The following HAUS8 variants were observed in gnomAD, a reference collection of about 807,000 sequenced individuals.
HAUS8 encodes the protein HAUS augmin like complex subunit 8.
HAUS8 carries 38 observed loss-of-function variants against 42.9 expected under a neutral mutation model. The ratio of observed to expected loss-of-function variants is 0.89; its 90% CI spans 0.68 to 1.16. The LOEUF (loss-of-function observed/expected upper bound fraction) is 1.16, where lower values mean the gene tolerates loss of function less well. Ranked by LOEUF, HAUS8 falls within the 50% of genes most tolerant of loss-of-function variation. The pLI, the probability that HAUS8 is intolerant of heterozygous loss-of-function variation, is 0.00. For synonymous variants in HAUS8, 199 were observed against 205.8 expected (o/e 0.97, Z 0.28); for missense variants, 494 against 511.6 (o/e 0.97, Z 0.33).
Position 17,049,781 on chromosome 19 carries a change from A to T in HAUS8, c.*92T>A. ...GAGGCTTCAATTGCAAAACAGGTTT[A>T]CTTTTTTATCAAACAAGATTATCAC... On this transcript the variant is annotated 3_prime_UTR_variant, in exon 11 of 11. Coordinates refer to ENST00000253669, the MANE Select transcript of HAUS8 (RefSeq NM_033417.2). 1 of 1,104,828 alleles carries T rather than the reference A, an allele frequency of 9.1e-7. No individual in the cohort carries two copies. Among genetic ancestry groups the T allele is most frequent in the Non-Finnish European group, 1.2e-6 (1 of 831,518 alleles). The allele number at this position is 1,104,828 out of a possible 1,614,324, so 68.4% of individuals were successfully genotyped here.
At chr19:17,065,110 A>G (rs970353176) in intron 3 of HAUS8, among the ~76,000 whole-genome samples, 2 of 152,262 alleles carry the variant, frequency 1.3e-5, no homozygotes, top group African/African-American at 2.4e-5. Context: ...ATCATCGGCT[A>G]TTATGAAAAC....
chr19:17,052,900 T>C lies in HAUS8; in HGVS notation c.854A>G (p.Glu285Gly). 2.5e-6 allele frequency: 4 copies of C among 1,614,122 alleles called. No homozygotes were observed. The highest frequency in any genetic ancestry group is 2.5e-6 in the Non-Finnish European group (3 of 1,180,020). ...TAAGTCCAGCACCTGCACATTTTCT[T>C]CCGAATCACCAACATCAAGTTCTCC... Reference protein sequence around the residue: ...LLGELDVGDSEENVQVLDLLS... With the variant: ...LLGELDVGDSGENVQVLDLLS... The change falls in exon 10 of 11, where the codon GAA becomes GGA. Residue 285 changes from glutamate to glycine, a missense_variant. Physicochemically the swap from Glu to Gly is moderately conservative, Grantham distance 98. Transcript: ENST00000253669.
In HAUS8 at chr19:17,057,125, G is replaced by A. The variant is rs185345225; in HGVS notation, c.646-1123C>T. On this transcript the variant is annotated intron_variant, in intron 8 of 10. Transcript: ENST00000253669. ...AGCACTTTCAGAGGCTAAGGAGGGCGGATCACTTGAGGTCCAGAGTTCGAG... is the reference window on the plus strand; with the variant it reads ...AGCACTTTCAGAGGCTAAGGAGGGCAGATCACTTGAGGTCCAGAGTTCGAG... Among the ~76,000 whole-genome samples, 813 of 152,140 alleles carry A rather than the reference G, an allele frequency of 5.3e-3. 5 individuals are homozygous for A. The highest frequency in any genetic ancestry group is 0.018 in the African/African-American group (744 of 41,526).
Position 17,059,653 on chromosome 19 carries a change from T to C in HAUS8, c.326-2A>G. ...GCGTCTTTTTGACGATGCTTTTGTCTAAGATAAAGCACAGCATTTTTAATG... is the reference window on the plus strand; with the variant it reads ...GCGTCTTTTTGACGATGCTTTTGTCCAAGATAAAGCACAGCATTTTTAATG... On this transcript the variant is annotated splice_acceptor_variant, in intron 5 of 10. Coordinates refer to ENST00000253669, the MANE Select transcript of HAUS8 (RefSeq NM_033417.2). LOFTEE classifies it high-confidence loss of function. 6.2e-7 allele frequency: 1 copy of C among 1,608,966 alleles called. No homozygotes were observed. Among genetic ancestry groups the C allele is most frequent in the Non-Finnish European group, 8.5e-7 (1 of 1,175,594 alleles).
At chr19:17,071,072 A>AAG (rs1331860208) in intron 2 of HAUS8, among the ~76,000 whole-genome samples, 1 of 150,860 alleles carries the variant, frequency 6.6e-6, no homozygotes, top group Non-Finnish European at 1.5e-5. Flanking sequence ...TTGTCTCATA[A>AAG]AAAAAAAAAA....
intron 8 of HAUS8, among the ~76,000 whole-genome samples, chr19:17,058,032 C>T (rs1042475718): frequency 6.6e-5 from 10 of 152,212 alleles, no homozygotes; most frequent in African/African-American, 1.9e-4. Context: ...CTTCCTGAAC[C>T]GTAAGAGAAT....
intron 8 of HAUS8, among the ~76,000 whole-genome samples, chr19:17,057,757 A>AC (rs2057334996): frequency 6.6e-6 from 1 of 152,148 alleles, no homozygotes; most frequent in African/African-American, 2.4e-5. Context: ...AACTCCCAGT[A>AC]CCTTGGAATG....
chr19:17,059,916 A>G, intron 5 of HAUS8, 81 bp downstream of exon 5: 1 of 972,310 alleles, frequency 1.0e-6, no homozygotes. Flanking sequence ...ACCCCACTGT[A>G]GGCCAATTGT....
chr19:17,058,754 C>T (rs776341464), intron 7 of HAUS8, 47 bp from the exon 8 acceptor site: 36 of 1,605,802 alleles, frequency 2.2e-5, no homozygotes, highest in East Asian at 4.5e-5. Context: ...ACTCCCTCCC[C>T]GTGAATGGAG....
In HAUS8 at chr19:17,056,590, CAT is replaced by C. The variant is rs200207853; in HGVS notation, c.646-590_646-589del. Among the ~76,000 whole-genome samples the C allele has an allele frequency of 3.6e-3, 554 of 152,052 alleles. 10 individuals carry two copies. The highest frequency in any genetic ancestry group is 0.013 in the African/African-American group (527 of 41,508). ...ACACATACAGACACACACACACACA[CAT>C]ACACATATATATTTTTTAGATGGAA... On this transcript the variant is annotated intron_variant, in intron 8 of 10. Coordinates refer to ENST00000253669, the MANE Select transcript of HAUS8 (RefSeq NM_033417.2).
chr19:17,069,383 G>T (rs987912272), intron 2 of HAUS8, among the ~76,000 whole-genome samples: 1 of 151,658 alleles, frequency 6.6e-6, no homozygotes, highest in Non-Finnish European at 1.5e-5. Context: ...TCAGACAAGC[G>T]GGAGGGAAAG....
rs1341210652 is a variant in HAUS8 at position 17,049,988 on chromosome 19, C to T, written c.1118G>A (p.Gly373Asp). ...NTPLSEDDNP[G>D]ASSAPAQATF... ...GGCCTGAGCGGGGGCTGACGAGGCA[C>T]CCGGGTTGTCGTCCTCAGACAGGGG... Residue 373 changes from glycine to aspartate, a missense_variant, in exon 11 of 11, where the codon GGT (glycine) becomes GAT (aspartate). Coordinates refer to ENST00000253669, the MANE Select transcript of HAUS8 (RefSeq NM_033417.2). The T allele has an allele frequency of 1.2e-6, 2 of 1,602,186 alleles. No individual in the cohort carries two copies. The highest frequency in any genetic ancestry group is 2.7e-5 in the African/African-American group (2 of 74,230).
chr19:17,054,470 C>T (rs552005704), intron 9 of HAUS8, among the ~76,000 whole-genome samples: 1 of 150,272 alleles, frequency 6.7e-6, no homozygotes, highest in East Asian at 2.0e-4. Flanking sequence ...GCCTGGGCAA[C>T]ATAGCCACAC....
chr19:17,072,949 C>CAAA (rs201634583), intron 2 of HAUS8, among the ~76,000 whole-genome samples: 1,296 of 84,708 alleles, frequency 0.015, 25 homozygotes, highest in Middle Eastern at 0.021. Context: ...GACCCCAACT[C>CAAA]AAAAAAAAAA....
Position 17,062,681 on chromosome 19 carries a change from C to A in HAUS8, c.229+17G>T, listed in dbSNP as rs780982990. The A allele has an allele frequency of 6.2e-7, 1 of 1,608,538 alleles. No homozygotes were observed. Among genetic ancestry groups the A allele is most frequent in the Non-Finnish European group, 8.5e-7 (1 of 1,174,964 alleles). ...TGCCGCGCTCATCACTGCCCGAGGA[C>A]CATGGCTGTTTCGCACCTTTGCTTT... On this transcript the variant is annotated intron_variant, in intron 4 of 10. Transcript: ENST00000253669.
chr19:17,056,113 C>T lies in HAUS8; in HGVS notation c.646-111G>A, dbSNP rs1244752733. On this transcript the variant is annotated intron_variant, in intron 8 of 10. Coordinates refer to ENST00000253669, the MANE Select transcript of HAUS8 (RefSeq NM_033417.2). ...AGATACAGCGCTGTTCTTCACCACC[C>T]CCCAGGGAATCAGAGCTCAGGAAGT... is the stretch of plus-strand genomic sequence containing the variant. 7 of 1,022,766 alleles carry T rather than the reference C, an allele frequency of 6.8e-6. No individual in the cohort carries two copies. In the African/African-American group the frequency reaches 1.1e-4, roughly 16 times the overall value. The allele number at this position is 1,022,766 out of a possible 1,614,324, so 63.4% of individuals were successfully genotyped here.
intron 10 of HAUS8, among the ~76,000 whole-genome samples, chr19:17,051,198 T>C (rs1272668354): frequency 3.3e-5 from 5 of 152,032 alleles, no homozygotes; most frequent in African/African-American, 1.2e-4. Flanking sequence ...CCCTTTGATG[T>C]CTCCTGAATT....
Position 17,055,910 on chromosome 19 carries a change from C to T in HAUS8, c.738G>A (p.Glu246=), listed in dbSNP as rs769796427. ...FATALDTTRH[E]LPVRSIHLEG... is the part of the protein sequence containing the mutation. ...CCAGGTGGATGGACCTCACGGGCAG[C>T]TCGTGCCTGGTAGTGTCCAGGGCCG... Residue 246 remains glutamate (E), a synonymous_variant, in exon 9 of 11, where the codon GAG becomes GAA. Transcript: ENST00000253669. 3.1e-6 allele frequency: 5 copies of T among 1,614,198 alleles called. No homozygotes were observed. Among genetic ancestry groups the T allele is most frequent in the Admixed American group, 3.3e-5 (2 of 60,036 alleles).
chr19:17,062,580 T>A, intron 4 of HAUS8, 118 bp downstream of exon 4: 2 of 765,180 alleles, frequency 2.6e-6, no homozygotes, highest in Non-Finnish European at 4.6e-6. Context: ...TCCAACTCTC[T>A]CTGCTCACTG....
Sources: gnomAD v4.1 joint callset for allele counts (sites outside exome capture counted in the v4.1 genomes callset) on GRCh38, gnomAD v4.1.1 for gene constraint, MANE v1.5 for transcripts, NCBI Gene and HGNC (gene_info 2026-07-23, HGNC 2026-07-21) for gene names.